The following TAFA5 variants were observed in gnomAD, a reference collection of about 807,000 sequenced individuals.
The protein encoded by TAFA5 is TAFA chemokine like family member 5.
In TAFA5, 6 loss-of-function variants were observed where a neutral mutation model predicts 15.3. The ratio of observed to expected loss-of-function variants is 0.39; its 90% CI spans 0.21 to 0.77. The LOEUF (loss-of-function observed/expected upper bound fraction) is 0.77. TAFA5 is among the 30% of genes least tolerant of loss of function. TAFA5 has a pLI of 0.41. For missense variants in TAFA5, 161 were observed against 193.1 expected (o/e 0.83, Z 0.98); for synonymous variants, 103 against 80.7 (o/e 1.28, Z -1.48).
At chr22:48,553,365 C>T (rs942607583) in intron 1 of TAFA5, among the ~76,000 whole-genome samples, 3 of 152,206 alleles carry the variant, frequency 2.0e-5, no homozygotes, top group South Asian at 4.1e-4. Flanking sequence ...TGGCTGCATG[C>T]CCAGTACCCT....
chr22:48,651,616 C>T (rs930591519), intron 2 of TAFA5, among the ~76,000 whole-genome samples: 18 of 152,138 alleles, frequency 1.2e-4, no homozygotes, highest in African/African-American at 3.6e-4. Flanking sequence ...AGGCCTTGCC[C>T]GCTCTCAGGC....
intron 1 of TAFA5, among the ~76,000 whole-genome samples, chr22:48,502,467 C>A (rs1920957965): frequency 6.6e-6 from 1 of 151,584 alleles, no homozygotes; most frequent in Non-Finnish European, 1.5e-5. Flanking sequence ...GGCTCCAAGA[C>A]TTCTAATGTT....
chr22:48,607,072 C>T (rs1247627275), intron 1 of TAFA5, among the ~76,000 whole-genome samples: 2 of 152,240 alleles, frequency 1.3e-5, no homozygotes, highest in Non-Finnish European at 2.9e-5. Flanking sequence ...GAAGCTGTGT[C>T]CCTACACAGT....
chr22:48,506,111 C>T (rs183153511), intron 1 of TAFA5, among the ~76,000 whole-genome samples: 5 of 152,276 alleles, frequency 3.3e-5, no homozygotes, highest in South Asian at 2.1e-4. Context: ...GTCCCTATCT[C>T]ACTCCCTGTC....
At chr22:48,567,297 G>A (rs1923439406) in intron 1 of TAFA5, among the ~76,000 whole-genome samples, 1 of 152,224 alleles carries the variant, frequency 6.6e-6, no homozygotes, top group African/African-American at 2.4e-5. Context: ...GAGGGCCCTC[G>A]TGTGTGCCCA....
intron 1 of TAFA5, among the ~76,000 whole-genome samples, chr22:48,639,810 TC>T (rs139567346): frequency 0.024 from 3,598 of 152,280 alleles, 138 homozygotes; most frequent in African/African-American, 0.082. Flanking sequence ...ACAGCATCCT[TC>T]CTGCCATCAC....
chr22:48,587,203 C>T (rs746846256), intron 1 of TAFA5, among the ~76,000 whole-genome samples: 7 of 152,206 alleles, frequency 4.6e-5, no homozygotes, highest in Admixed American at 1.3e-4. Flanking sequence ...TGTGGAGGCC[C>T]ATGACGGTTT....
intron 1 of TAFA5, among the ~76,000 whole-genome samples, chr22:48,557,041 C>T (rs1012178357): frequency 2.0e-5 from 3 of 152,190 alleles, no homozygotes; most frequent in Non-Finnish European, 2.9e-5. Flanking sequence ...GGGCACCCAC[C>T]GTTGGGAGGC....
At chr22:48,634,287 C>T (rs1240465516) in intron 1 of TAFA5, among the ~76,000 whole-genome samples, 1 of 152,168 alleles carries the variant, frequency 6.6e-6, no homozygotes, top group East Asian at 1.9e-4. Flanking sequence ...ACTCATCACT[C>T]ATTCGTTAAC....
At chr22:48,712,727 C>T (rs1051136510) in intron 3 of TAFA5, among the ~76,000 whole-genome samples, 6 of 152,148 alleles carry the variant, frequency 3.9e-5, no homozygotes, top group Non-Finnish European at 5.9e-5. Context: ...GTGTGAGCAA[C>T]GCTCCTTCTT....
chr22:48,609,706 G>A (rs1438848715), intron 1 of TAFA5, among the ~76,000 whole-genome samples: 7 of 152,196 alleles, frequency 4.6e-5, no homozygotes, highest in East Asian at 1.9e-4. Flanking sequence ...GCCTCTACAC[G>A]ACTGGTGTGG....
chr22:48,711,388 C>T (rs904963424), intron 3 of TAFA5, among the ~76,000 whole-genome samples: 2 of 151,000 alleles, frequency 1.3e-5, no homozygotes, highest in African/African-American at 2.4e-5. Context: ...GGTGAGTGAC[C>T]GTGTGCTCAC....
chr22:48,577,272 G>A (rs1297387964), intron 1 of TAFA5, among the ~76,000 whole-genome samples: 1 of 152,210 alleles, frequency 6.6e-6, no homozygotes, highest in Non-Finnish European at 1.5e-5. Context: ...TGGGGGTTGG[G>A]GGCAGGGCCA....
chr22:48,744,440 A>G (rs992588415), intron 3 of TAFA5, among the ~76,000 whole-genome samples: 15 of 152,108 alleles, frequency 9.9e-5, no homozygotes, highest in African/African-American at 3.6e-4. Flanking sequence ...GAAGGCCTGG[A>G]GGCATCGATA....
intron 2 of TAFA5, among the ~76,000 whole-genome samples, chr22:48,698,273 C>T (rs1057414248): frequency 6.6e-5 from 10 of 151,778 alleles, no homozygotes; most frequent in South Asian, 2.1e-4. Flanking sequence ...GTCAGGAGTT[C>T]GAGACCAGCC....
At chr22:48,526,463 C>T (rs1041648851) in intron 1 of TAFA5, among the ~76,000 whole-genome samples, 1 of 152,244 alleles carries the variant, frequency 6.6e-6, no homozygotes, top group Admixed American at 6.5e-5. Context: ...ACCTGGAGCC[C>T]TCAGAGTCCC....
intron 2 of TAFA5, among the ~76,000 whole-genome samples, chr22:48,684,646 G>A (rs5771713): frequency 0.76 from 115,327 of 152,158 alleles, 45,212 homozygotes; most frequent in Non-Finnish European, 0.87. Context: ...ACTCCTGCCC[G>A]CTTCCCAGGA....
At chr22:48,624,954 A>T (rs931248235) in intron 1 of TAFA5, among the ~76,000 whole-genome samples, 4 of 152,046 alleles carry the variant, frequency 2.6e-5, no homozygotes, top group Admixed American at 6.6e-5. Context: ...ACAAAAACAA[A>T]CAAACAAAAA....
At chr22:48,621,331 A>T (rs1377337279) in intron 1 of TAFA5, among the ~76,000 whole-genome samples, 2 of 148,052 alleles carry the variant, frequency 1.4e-5, no homozygotes, top group East Asian at 4.1e-4. Flanking sequence ...CCCATCCATC[A>T]TCCATCCCTG....
Sources: allele counts gnomAD v4.1 joint callset (sites outside exome capture counted in the v4.1 genomes callset), GRCh38; gene constraint gnomAD v4.1.1; transcripts MANE v1.5; gene names NCBI Gene and HGNC (gene_info 2026-07-23, HGNC 2026-07-21).